PVT1: variants seen among roughly 807,000 people sequenced by gnomAD.
PVT1 encodes CXCR4/PVT1 fusion.
intron 2 of PVT1, among the ~76,000 whole-genome samples, chr8:127,821,088 A>G (rs1563614145): frequency 6.6e-6 from 1 of 152,186 alleles, no homozygotes. Flanking sequence ...TGTAACATGA[A>G]AAAAGCTGTG....
chr8:127,800,385 T>G (rs1349865087), intron 2 of PVT1, among the ~76,000 whole-genome samples: 1 of 152,080 alleles, frequency 6.6e-6, no homozygotes, highest in Middle Eastern at 3.2e-3. Context: ...CACACAGTAG[T>G]GGGGCAGGCT....
intron 3 of PVT1, among the ~76,000 whole-genome samples, chr8:127,910,059 G>C (rs888734221): frequency 2.6e-5 from 4 of 152,052 alleles, no homozygotes; most frequent in Non-Finnish European, 4.4e-5. Context: ...CAAGGTGCTG[G>C]GAGTGGGGTG....
At chr8:128,065,753 G>GGC (rs200847690) in intron 4 of PVT1, among the ~76,000 whole-genome samples, 1 of 112,738 alleles carries the variant, frequency 8.9e-6, no homozygotes. Flanking sequence ...ACTTCAAGCA[G>GGC]ACACAAAAAA....
chr8:127,892,820 T>C (rs1203046039), intron 3 of PVT1, among the ~76,000 whole-genome samples: 2 of 151,784 alleles, frequency 1.3e-5, no homozygotes, highest in South Asian at 2.1e-4. Flanking sequence ...AGCAAAGAGG[T>C]TCTGGGATGG....
At chr8:127,868,685 G>A (rs1815311484) in intron 2 of PVT1, among the ~76,000 whole-genome samples, 1 of 148,090 alleles carries the variant, frequency 6.8e-6, no homozygotes, top group Non-Finnish European at 1.5e-5. Flanking sequence ...GATTACAGGT[G>A]TGAGTCACTG....
At chr8:128,013,933 G>A (rs1817342982) in intron 4 of PVT1, among the ~76,000 whole-genome samples, 1 of 152,130 alleles carries the variant, frequency 6.6e-6, no homozygotes, top group African/African-American at 2.4e-5. Flanking sequence ...GTTAAATCCT[G>A]GAGTCACAAA....
At chr8:127,927,437 T>C (rs780304695) in intron 3 of PVT1, among the ~76,000 whole-genome samples, 2 of 152,164 alleles carry the variant, frequency 1.3e-5, no homozygotes, top group Non-Finnish European at 2.9e-5. Flanking sequence ...CTCTGACCTG[T>C]CAAAAAGCCC....
Position 127,859,557 on chromosome 8 carries a change from A to T in PVT1, n.373-31032A>T, listed in dbSNP as rs552433388. ...TAAGAAGCTATGAGGTTAGGACAGA[A>T]ATATCCACTGCTGGCCTGCGAACTA... On this transcript the variant is annotated intron_variant and non_coding_transcript_variant, in intron 2 of 10. Coordinates refer to ENST00000651587, the Ensembl canonical transcript of PVT1. Among the ~76,000 whole-genome samples, 3 of 152,178 alleles carry T rather than the reference A, an allele frequency of 2.0e-5. No individual in the cohort carries two copies. The South Asian group carries it at 6.2e-4, about 32-fold the overall frequency.
chr8:127,963,808 G>T (rs1200443144), intron 3 of PVT1, among the ~76,000 whole-genome samples: 2 of 152,150 alleles, frequency 1.3e-5, no homozygotes, highest in Non-Finnish European at 2.9e-5. Flanking sequence ...CCTAAATCCA[G>T]CATGGCCTTT....
chr8:128,011,546 C>T (rs1054118993), intron 4 of PVT1, among the ~76,000 whole-genome samples: 2 of 152,168 alleles, frequency 1.3e-5, no homozygotes, highest in African/African-American at 4.8e-5. Flanking sequence ...ATACTAGCAC[C>T]TTGATCTTGC....
chr8:127,954,909 A>T (rs13255311), intron 3 of PVT1, among the ~76,000 whole-genome samples: 16,098 of 152,242 alleles, frequency 0.11, 973 homozygotes, highest in Non-Finnish European at 0.14. Flanking sequence ...CAGGTCCTCC[A>T]TCCTTTATTC....
intron 2 of PVT1, among the ~76,000 whole-genome samples, chr8:127,818,860 C>T (rs576473002): frequency 3.4e-5 from 5 of 146,080 alleles, no homozygotes; most frequent in African/African-American, 1.2e-4. Flanking sequence ...GCTCAATAAA[C>T]GCTGGTTATT....
chr8:127,913,199 C>A (rs745660590), intron 3 of PVT1, among the ~76,000 whole-genome samples: 1 of 152,196 alleles, frequency 6.6e-6, no homozygotes, highest in Non-Finnish European at 1.5e-5. Flanking sequence ...TGTCCAAGAG[C>A]CTTTCTGTCC....
At chr8:127,992,889 T>C (rs1157967684) in intron 4 of PVT1, among the ~76,000 whole-genome samples, 1 of 152,216 alleles carries the variant, frequency 6.6e-6, no homozygotes, top group African/African-American at 2.4e-5. Context: ...ATCAGCAGGC[T>C]CCTGCTTCCC....
At chr8:127,805,282 C>T (rs565712730) in intron 2 of PVT1, among the ~76,000 whole-genome samples, 3 of 152,038 alleles carry the variant, frequency 2.0e-5, no homozygotes, top group Admixed American at 2.0e-4. Flanking sequence ...TGTTTCGTTG[C>T]TTACTTTATC....
intron 3 of PVT1, among the ~76,000 whole-genome samples, chr8:127,985,035 T>TTCCTTCC (rs1303288281): frequency 1.6e-5 from 2 of 123,810 alleles, no homozygotes; most frequent in African/African-American, 3.3e-5. Flanking sequence ...CCTTCCTTCC[T>TTCCTTCC]TTCCTTCTTT....
In PVT1 at chr8:127,973,187, T is replaced by C. The variant is rs1023976980; in HGVS notation, n.783-15975T>C. Among the ~76,000 whole-genome samples, 10 of 152,324 alleles carry C rather than the reference T, an allele frequency of 6.6e-5. No individual in the cohort carries two copies. The East Asian group carries it at 1.9e-3, about 29-fold the overall frequency. ...CCAGGATTACAGGTGTGGGCCACCA[T>C]GCCTGGCTGTTCAGCTGCATTTAGT... is the stretch of plus-strand genomic sequence containing the variant. On this transcript the variant is annotated intron_variant and non_coding_transcript_variant, in intron 3 of 10. Transcript: ENST00000651587.
chr8:127,902,014 A>G (rs572736374), intron 3 of PVT1, among the ~76,000 whole-genome samples: 1 of 152,052 alleles, frequency 6.6e-6, no homozygotes, highest in Admixed American at 6.6e-5. Flanking sequence ...AACACTTCCC[A>G]TGATAATAAC....
intron 2 of PVT1, among the ~76,000 whole-genome samples, chr8:127,843,014 A>G (rs1423424361): frequency 6.6e-6 from 1 of 152,210 alleles, no homozygotes; most frequent in Non-Finnish European, 1.5e-5. Flanking sequence ...CCTGGTCTAC[A>G]GAAGTGACAG....
Sources: gnomAD v4.1 joint callset for allele counts (sites outside exome capture counted in the v4.1 genomes callset) on GRCh38, gnomAD v4.1.1 for gene constraint, MANE v1.5 for transcripts, NCBI Gene and HGNC (gene_info 2026-07-23, HGNC 2026-07-21) for gene names.